KIRREL3: variants seen among roughly 807,000 people sequenced by gnomAD.
KIRREL3 encodes kin of IRRE-like protein 3.
KIRREL3 carries 36 observed loss-of-function variants against 89.7 expected under a neutral mutation model. That is an observed-to-expected ratio of 0.40 (90% CI 0.31 to 0.53). KIRREL3 has a LOEUF of 0.53. KIRREL3 is among the 20% of genes least tolerant of loss of function. The pLI is 0.49. For synonymous variants in KIRREL3, 445 were observed against 441.4 expected, an observed-to-expected ratio of 1.01 and a Z score of -0.10; for missense variants, 864 against 1,056.6, an observed-to-expected ratio of 0.82 and a Z score of 2.53.
rs1171437807 is a variant in KIRREL3 at position 126,556,600 on chromosome 11, T to C, written c.133+6235A>G. Among the ~76,000 whole-genome samples, 8 of 152,246 alleles carry C rather than the reference T, an allele frequency of 5.3e-5. No homozygotes were observed. The East Asian group carries it at 1.2e-3, about 22-fold the overall frequency. ...CTATAGTGAGCCACGATGGTACCAC[T>C]GCACTCTAGCAGAATGAAACCTTGT... On this transcript the variant is annotated intron_variant, in intron 2 of 16. Coordinates refer to ENST00000525144, the MANE Select transcript of KIRREL3 (RefSeq NM_032531.4).
intron 1 of KIRREL3, among the ~76,000 whole-genome samples, chr11:126,674,111 C>T (rs1188595111): frequency 1.3e-5 from 2 of 152,192 alleles, no homozygotes; most frequent in East Asian, 1.9e-4. Flanking sequence ...CTAGAATCTC[C>T]GTTGGAAACC....
At chr11:126,517,659 C>A (rs377265442) in intron 4 of KIRREL3, among the ~76,000 whole-genome samples, 1 of 152,174 alleles carries the variant, frequency 6.6e-6, no homozygotes, top group Non-Finnish European at 1.5e-5. Flanking sequence ...TCGGTCACTG[C>A]GCCAATCTTG....
At chr11:126,998,956 T>TGTGTGC (rs55920555) in intron 1 of KIRREL3, among the ~76,000 whole-genome samples, 1,433 of 120,666 alleles carry the variant, frequency 0.012, 21 homozygotes, top group East Asian at 0.078. Flanking sequence ...TGTGTGTGTG[T>TGTGTGC]GCTCATAAGC....
Position 126,872,832 on chromosome 11 carries a change from G to C in KIRREL3, c.55+127623C>G, listed in dbSNP as rs900151467. On this transcript the variant is annotated intron_variant, in intron 1 of 16. Coordinates refer to ENST00000525144, the MANE Select transcript of KIRREL3 (RefSeq NM_032531.4). The surrounding 1 kb of genome is among the most constrained non-coding windows in gnomAD (Gnocchi z 4.2). ...TGAATAATACCCCATGACAACTGGGGTTTGAAAGGTAGCCCAGCTCTGGGA... is the reference window on the plus strand; with the variant it reads ...TGAATAATACCCCATGACAACTGGGCTTTGAAAGGTAGCCCAGCTCTGGGA... 6.6e-6 allele frequency among the ~76,000 whole-genome samples: 1 copy of C among 152,196 alleles called. No homozygotes were observed. Among genetic ancestry groups the C allele is most frequent in the African/African-American group, 2.4e-5 (1 of 41,454 alleles).
In KIRREL3 at chr11:126,970,325, C is replaced by G. The variant is rs760331522; in HGVS notation, c.55+30130G>C. Among the ~76,000 whole-genome samples, 4 of 152,080 alleles carry G rather than the reference C, an allele frequency of 2.6e-5. No individual in the cohort carries two copies. The highest frequency in any genetic ancestry group is 5.9e-5 in the Non-Finnish European group (4 of 68,008). Reference sequence around the variant, plus strand: ...TTCCTTCTTTTCTTCCCTTTCTTTTCTCTCTCACATTATCTTGTTTATGAA... The same window carrying G: ...TTCCTTCTTTTCTTCCCTTTCTTTTGTCTCTCACATTATCTTGTTTATGAA... On this transcript the variant is annotated intron_variant, in intron 1 of 16. Transcript: ENST00000525144. This position sits in a 1 kb window ranked among gnomAD's most constrained non-coding sequence, Gnocchi z 4.4.
chr11:126,751,662 T>A (rs1481263392), intron 1 of KIRREL3, among the ~76,000 whole-genome samples: 1 of 151,768 alleles, frequency 6.6e-6, no homozygotes, highest in Non-Finnish European at 1.5e-5. Flanking sequence ...AATATTCTTT[T>A]TGAGGAAAAA....
intron 7 of KIRREL3, among the ~76,000 whole-genome samples, chr11:126,449,415 G>A (rs1216207895): frequency 2.6e-5 from 4 of 152,252 alleles, no homozygotes; most frequent in Non-Finnish European, 1.5e-5. Context: ...CACTCAACAA[G>A]TGGGTTATTC....
In KIRREL3 at chr11:126,805,697, A is replaced by G. The variant is rs367915278; in HGVS notation, c.55+194758T>C. Among the ~76,000 whole-genome samples the G allele has an allele frequency of 7.2e-5, 11 of 152,224 alleles. No individual in the cohort carries two copies. Among genetic ancestry groups the G allele is most frequent in the African/African-American group, 2.7e-4 (11 of 41,456 alleles). On this transcript the variant is annotated intron_variant, in intron 1 of 16. Coordinates refer to ENST00000525144, the MANE Select transcript of KIRREL3 (RefSeq NM_032531.4). This position sits in a 1 kb window ranked among gnomAD's most constrained non-coding sequence, Gnocchi z 4.3. Reference sequence around the variant, plus strand: ...AGATATTACGTTTTTATTTACTACTATGTATGTAAATGAAAGAAAGAAAAG... The same window carrying G: ...AGATATTACGTTTTTATTTACTACTGTGTATGTAAATGAAAGAAAGAAAAG...
At position 126,484,983 on chromosome 11, in the gene KIRREL3, TA is replaced by T. The variant is rs911286166; in HGVS notation, c.434-11518del. Among the ~76,000 whole-genome samples, 1 of 152,118 alleles carries T rather than the reference TA, an allele frequency of 6.6e-6. No homozygotes were observed. Among genetic ancestry groups the T allele is most frequent in the Non-Finnish European group, 1.5e-5 (1 of 68,018 alleles). Reference sequence around the variant, plus strand: ...GGCACCTGCCACCACGCCTGGCTGATATTTTTTGGTACTTTTGGTGGAGACG... The same window carrying T: ...GGCACCTGCCACCACGCCTGGCTGATTTTTTTGGTACTTTTGGTGGAGACG... On this transcript the variant is annotated intron_variant, in intron 4 of 16. Coordinates refer to ENST00000525144, the MANE Select transcript of KIRREL3 (RefSeq NM_032531.4). This position sits in a 1 kb window ranked among gnomAD's most constrained non-coding sequence, Gnocchi z 5.2.
rs1945153318 is a variant in KIRREL3 at position 126,656,651 on chromosome 11, G to A, written c.56-93739C>T. On this transcript the variant is annotated intron_variant, in intron 1 of 16. Transcript: ENST00000525144. The surrounding 1 kb of genome is among the most constrained non-coding windows in gnomAD (Gnocchi z 4.0). ...ACCACCTTATACTGAGTAAGAAGAT[G>A]AATTTGCACAGATTTCTCCCTGCAT... Among the ~76,000 whole-genome samples the A allele has an allele frequency of 6.6e-6, 1 of 152,214 alleles. No homozygotes were observed. The highest frequency in any genetic ancestry group is 2.4e-5 in the African/African-American group (1 of 41,462).
At chr11:126,597,647 T>C (rs887824840) in intron 1 of KIRREL3, among the ~76,000 whole-genome samples, 1 of 152,180 alleles carries the variant, frequency 6.6e-6, no homozygotes, top group Admixed American at 6.5e-5. Flanking sequence ...CCCAAGGTTC[T>C]CTCGAGTGCC....
Position 126,570,698 on chromosome 11 carries a change from C to T in KIRREL3, c.56-7786G>A, listed in dbSNP as rs1290444292. 6.6e-6 allele frequency among the ~76,000 whole-genome samples: 1 copy of T among 152,208 alleles called. No homozygotes were observed. Among genetic ancestry groups the T allele is most frequent in the East Asian group, 1.9e-4 (1 of 5,190 alleles). On this transcript the variant is annotated intron_variant, in intron 1 of 16. Transcript: ENST00000525144. This position sits in a 1 kb window ranked among gnomAD's most constrained non-coding sequence, Gnocchi z 6.1. ...ATTATTTGGCTGGCATAGCTCTATC[C>T]CCCATGCGGCCAAGGCAGGCATTAT...
intron 1 of KIRREL3, among the ~76,000 whole-genome samples, chr11:126,846,532 G>T (rs1055382923): frequency 3.9e-5 from 6 of 152,070 alleles, no homozygotes; most frequent in Non-Finnish European, 7.4e-5. Flanking sequence ...AAAGACATTT[G>T]GTCTTCTGTC....
intron 1 of KIRREL3, among the ~76,000 whole-genome samples, chr11:126,888,445 C>T (rs942726041): frequency 5.3e-5 from 8 of 152,150 alleles, no homozygotes; most frequent in South Asian, 2.1e-4. Context: ...CATAGGAGGG[C>T]GCAACAAAAG....
rs1368014256 is a variant in KIRREL3, at chr11:126,477,477, G to GA, written c.434-4012_434-4011insT. Reference sequence around the variant, plus strand: ...AAATTGAGGCCAGAGAGCACAAGAGGCTGACCCAAAGTTACCAGTGACGAG... The same window carrying GA: ...AAATTGAGGCCAGAGAGCACAAGAGGACTGACCCAAAGTTACCAGTGACGAG... On this transcript the variant is annotated intron_variant, in intron 4 of 16. Transcript: ENST00000525144. The surrounding 1 kb of genome is among the most constrained non-coding windows in gnomAD (Gnocchi z 4.8). Among the ~76,000 whole-genome samples, 1 of 152,214 alleles carries GA rather than the reference G, an allele frequency of 6.6e-6. No individual in the cohort carries two copies. Among genetic ancestry groups the GA allele is most frequent in the Non-Finnish European group, 1.5e-5 (1 of 68,042 alleles).
rs138954553 is a variant in KIRREL3 at position 126,764,773 on chromosome 11, C to T, written c.56-201861G>A. 1.4e-4 allele frequency among the ~76,000 whole-genome samples: 21 copies of T among 152,232 alleles called. No individual in the cohort carries two copies. Among genetic ancestry groups the T allele is most frequent in the South Asian group, 6.2e-4 (3 of 4,822 alleles). ...TCTTAGGGCCTGTGCTGTAAGCCTC[C>T]GGGGCCATATAAACGCGGCTATTTT... On this transcript the variant is annotated intron_variant, in intron 1 of 16. Coordinates refer to ENST00000525144, the MANE Select transcript of KIRREL3 (RefSeq NM_032531.4). This position sits in a 1 kb window ranked among gnomAD's most constrained non-coding sequence, Gnocchi z 4.2.
rs138806999 is a variant in KIRREL3 at position 126,668,741 on chromosome 11, C to CTTTCTT, written c.56-105835_56-105830dup. 0.081 allele frequency among the ~76,000 whole-genome samples: 10,659 copies of CTTTCTT among 130,892 alleles called. 549 individuals are homozygous for CTTTCTT. Among genetic ancestry groups the CTTTCTT allele is most frequent in the Non-Finnish European group, 0.091 (5,438 of 59,802 alleles). The allele number at this position is 130,892 out of a possible 152,430, so 85.9% of individuals were successfully genotyped here. ...TCTTTCTTTCTTTCTTTCTTTCTTT[C>CTTTCTT]TTTCTTTCTTTCTTTTTTCTCTTTC... On this transcript the variant is annotated intron_variant, in intron 1 of 16. Transcript: ENST00000525144. The surrounding 1 kb of genome is among the most constrained non-coding windows in gnomAD (Gnocchi z 4.4).
Position 126,931,112 on chromosome 11 carries a change from C to A in KIRREL3, c.55+69343G>T, listed in dbSNP as rs1947931799. ...CTGTGAGTTCCCACAGGCCTCTATGCTCATCTCAGCATGGAACTTATGTGC... is the reference window on the plus strand; with the variant it reads ...CTGTGAGTTCCCACAGGCCTCTATGATCATCTCAGCATGGAACTTATGTGC... On this transcript the variant is annotated intron_variant, in intron 1 of 16. Transcript: ENST00000525144. This position sits in a 1 kb window ranked among gnomAD's most constrained non-coding sequence, Gnocchi z 5.1. Among the ~76,000 whole-genome samples, 1 of 152,218 alleles carries A rather than the reference C, an allele frequency of 6.6e-6. No homozygotes were observed. Among genetic ancestry groups the A allele is most frequent in the Non-Finnish European group, 1.5e-5 (1 of 68,040 alleles).
rs1395004161 is a variant in KIRREL3, at chr11:126,954,085, G to T, written c.55+46370C>A. On this transcript the variant is annotated intron_variant, in intron 1 of 16. Transcript: ENST00000525144. The surrounding 1 kb of genome is among the most constrained non-coding windows in gnomAD (Gnocchi z 4.1). ...GCGGGGTCTAATTCTCCCCAGGGTC[G>T]GTCTGTGAGCGCCTCTAATACCCTA... Among the ~76,000 whole-genome samples, 2 of 151,834 alleles carry T rather than the reference G, an allele frequency of 1.3e-5. No homozygotes were observed. Among genetic ancestry groups the T allele is most frequent in the Non-Finnish European group, 2.9e-5 (2 of 67,972 alleles).
Sources: gnomAD v4.1 joint callset for allele counts (sites outside exome capture counted in the v4.1 genomes callset) on GRCh38, gnomAD v4.1.1 for gene constraint, Gnocchi (gnomAD v3.1) non-coding constraint, MANE v1.5 for transcripts, NCBI Gene and HGNC (gene_info 2026-07-23, HGNC 2026-07-21) for gene names.